Variants in SLC16A7 observed in about 807,000 individuals in gnomAD.
SLC16A7 encodes solute carrier family 16 member 7.
A neutral mutation model predicts 34.9 loss-of-function variants in SLC16A7; 33 were observed. The observed-to-expected ratio is 0.94, with a 90% CI of 0.72 to 1.26. The LOEUF (loss-of-function observed/expected upper bound fraction) is 1.26. Among genes scored for constraint, SLC16A7 ranks in the 50% most tolerant of loss-of-function variants. The pLI is 0.00. For synonymous variants in SLC16A7, 201 were observed against 206.6 expected (o/e 0.97, Z 0.23); for missense variants, 573 against 578.1 (o/e 0.99, Z 0.09).
At chr12:59,632,091 A>G (rs922190668) in intron 1 of SLC16A7, among the ~76,000 whole-genome samples, 2 of 151,990 alleles carry the variant, frequency 1.3e-5, no homozygotes, top group African/African-American at 4.8e-5. Context: ...ACATCTTTAC[A>G]TCTATAGCTT....
chr12:59,692,067 AG>A (rs1161686951), intron 2 of SLC16A7, among the ~76,000 whole-genome samples: 1 of 152,022 alleles, frequency 6.6e-6, no homozygotes, highest in African/African-American at 2.4e-5. Flanking sequence ...TTCCTTAAAA[AG>A]GTTCTATGGG....
chr12:59,704,283 C>T (rs373578465), intron 2 of SLC16A7, among the ~76,000 whole-genome samples: 4 of 148,798 alleles, frequency 2.7e-5, no homozygotes, highest in Non-Finnish European at 6.0e-5. Context: ...CATCAAAAAG[C>T]GTAGACAACA....
At chr12:59,621,677 A>G (rs1879702248) in intron 1 of SLC16A7, among the ~76,000 whole-genome samples, 1 of 151,856 alleles carries the variant, frequency 6.6e-6, no homozygotes, top group Non-Finnish European at 1.5e-5. Flanking sequence ...ATTATTTTTT[A>G]ACATTTAACA....
intron 1 of SLC16A7, among the ~76,000 whole-genome samples, chr12:59,604,377 T>G (rs1362983486): frequency 2.0e-5 from 3 of 152,232 alleles, no homozygotes; most frequent in Non-Finnish European, 4.4e-5. Context: ...ATAGGAAAGC[T>G]CACTTTAACT....
intron 1 of SLC16A7, among the ~76,000 whole-genome samples, chr12:59,651,795 T>G (rs1165600491): frequency 1.3e-5 from 2 of 152,190 alleles, no homozygotes; most frequent in African/African-American, 4.8e-5. Flanking sequence ...GTTCTCCATT[T>G]ATAGCGTTTG....
intron 3 of SLC16A7, among the ~76,000 whole-genome samples, chr12:59,740,568 A>G (rs1175086775): frequency 6.6e-6 from 1 of 152,160 alleles, no homozygotes; most frequent in Non-Finnish European, 1.5e-5. Context: ...TCTCAAAATA[A>G]TAAGAGCTAT....
chr12:59,598,420 C>T (rs4760296), intron 1 of SLC16A7, among the ~76,000 whole-genome samples: 30,815 of 152,064 alleles, frequency 0.2, 3,224 homozygotes, highest in Non-Finnish European at 0.21. Flanking sequence ...TGTAATTCTG[C>T]TTTCAAGAAG....
Position 59,784,442 on chromosome 12 carries a change from T to A in SLC16A7, c.*4763T>A, listed in dbSNP as rs1307769580. The A allele has an allele frequency of 6.6e-6, 1 of 152,284 alleles. No individual in the cohort carries two copies. The highest frequency in any genetic ancestry group is 2.1e-4 in the South Asian group (1 of 4,826). The allele number at this position is 152,284 out of a possible 1,614,324, so 9.4% of individuals were successfully genotyped here. A position where few individuals can be genotyped will look rare whatever the true frequency, so the allele number is the denominator to read the frequency against. ...AGAATTTTAGTGATTATTCCATTTA[T>A]AATATTATCCGTAGCTACCAAAAAA... On this transcript the variant is annotated 3_prime_UTR_variant, in exon 6 of 6. Coordinates refer to ENST00000547379, the MANE Select transcript of SLC16A7 (RefSeq NM_001270623.2).
rs1003829290 is a variant in SLC16A7 at position 59,774,558 on chromosome 12, C to T, written c.362-99C>T. 8.8e-6 allele frequency: 6 copies of T among 684,230 alleles called. No individual in the cohort carries two copies. The Admixed American group carries it at 1.8e-4, about 21-fold the overall frequency. The allele number at this position is 684,230 out of a possible 1,614,324, so 42.4% of individuals were successfully genotyped here. A position where few individuals can be genotyped will look rare whatever the true frequency, so the allele number is the denominator to read the frequency against. On this transcript the variant is annotated intron_variant, in intron 4 of 5. Transcript: ENST00000547379. ...ACTATATGATATTGCGTTTTTAATTCTGCCTTTCCCACTTGAATGTACATT... is the reference window on the plus strand; with the variant it reads ...ACTATATGATATTGCGTTTTTAATTTTGCCTTTCCCACTTGAATGTACATT...
intron 1 of SLC16A7, among the ~76,000 whole-genome samples, chr12:59,654,182 A>G (rs557433009): frequency 8.0e-4 from 121 of 151,398 alleles, no homozygotes; most frequent in African/African-American, 2.7e-3. Context: ...AACAAATTTA[A>G]CTAAATAATC....
At chr12:59,768,301 A>G (rs1321662002) in intron 3 of SLC16A7, 3 of 429,290 alleles carry the variant, frequency 7.0e-6, no homozygotes, top group Admixed American at 5.0e-5. Context: ...GGGTGACTTT[A>G]AGAGGCTCAG....
chr12:59,688,827 C>T (rs1354005184), intron 2 of SLC16A7, among the ~76,000 whole-genome samples: 1 of 151,964 alleles, frequency 6.6e-6, no homozygotes, highest in Non-Finnish European at 1.5e-5. Context: ...ATATTTGAAT[C>T]AGTTGTGGAC....
At chr12:59,647,758 G>C (rs1868271740) in intron 1 of SLC16A7, among the ~76,000 whole-genome samples, 1 of 152,110 alleles carries the variant, frequency 6.6e-6, no homozygotes, top group Non-Finnish European at 1.5e-5. Context: ...AAATAAGCCA[G>C]GTTAGTTGGG....
At chr12:59,664,864 A>G (rs1869064017) in intron 2 of SLC16A7, 2 of 152,202 alleles carry the variant, frequency 1.3e-5, no homozygotes, top group African/African-American at 2.4e-5. Context: ...GCTTGTGGCT[A>G]AAAGTTAATG....
At chr12:59,741,517 G>A (rs2706303) in intron 3 of SLC16A7, among the ~76,000 whole-genome samples, 18,618 of 152,158 alleles carry the variant, frequency 0.12, 1,477 homozygotes, top group African/African-American at 0.22. Context: ...GAGATACAGT[G>A]ACGGGTTCTG....
At chr12:59,716,772 A>G (rs1874955599) in intron 3 of SLC16A7, among the ~76,000 whole-genome samples, 1 of 152,108 alleles carries the variant, frequency 6.6e-6, no homozygotes, top group Non-Finnish European at 1.5e-5. Flanking sequence ...ACTTGAGCCC[A>G]GGAGGGGAAG....
At chr12:59,747,302 G>T (rs1460159060) in intron 3 of SLC16A7, among the ~76,000 whole-genome samples, 2 of 152,084 alleles carry the variant, frequency 1.3e-5, no homozygotes, top group African/African-American at 4.8e-5. Flanking sequence ...TTATTATGTT[G>T]TACATTTCAA....
At chr12:59,622,529 A>G (rs1317372407) in intron 1 of SLC16A7, among the ~76,000 whole-genome samples, 1 of 151,672 alleles carries the variant, frequency 6.6e-6, no homozygotes, top group South Asian at 2.1e-4. Context: ...CTTCGTTTTC[A>G]TTTTCTACAC....
At chr12:59,760,927 G>A (rs947070703) in intron 3 of SLC16A7, among the ~76,000 whole-genome samples, 1 of 152,108 alleles carries the variant, frequency 6.6e-6, no homozygotes, top group Non-Finnish European at 1.5e-5. Context: ...CATGAAGCAA[G>A]GAGCAGATTG....
Sources: gnomAD v4.1 joint callset for allele counts (sites outside exome capture counted in the v4.1 genomes callset) on GRCh38, gnomAD v4.1.1 for gene constraint, MANE v1.5 for transcripts, NCBI Gene and HGNC (gene_info 2026-07-23, HGNC 2026-07-21) for gene names.